FSTL5: variants seen among roughly 807,000 people sequenced by gnomAD.
FSTL5 encodes follistatin like 5, also known as follistatin-related protein 5.
Under a neutral mutation model 89.1 loss-of-function variants are expected in FSTL5, and 62 were observed. That is an observed-to-expected ratio of 0.70 (90% confidence interval 0.57 to 0.86). The LOEUF (loss-of-function observed/expected upper bound fraction) is 0.86, where lower values mean the gene tolerates loss of function less well. Ranked by LOEUF, FSTL5 falls within the 40% of genes least tolerant of loss-of-function variation. The pLI is 0.00. For synonymous variants in FSTL5, 383 were observed against 346.2 expected, an observed-to-expected ratio of 1.11 and a Z score of -1.18; for missense variants, 1,057 against 1,001.6, an observed-to-expected ratio of 1.06 and a Z score of -0.75.
At chr4:161,812,284 G>A (rs1002675029) in intron 4 of FSTL5, among the ~76,000 whole-genome samples, 3 of 152,186 alleles carry the variant, frequency 2.0e-5, no homozygotes, top group Non-Finnish European at 4.4e-5. Flanking sequence ...AAAGCACTGT[G>A]AATTTTCAAG....
chr4:161,553,157 C>T (rs1327761499), intron 8 of FSTL5, among the ~76,000 whole-genome samples: 1 of 151,452 alleles, frequency 6.6e-6, no homozygotes, highest in Non-Finnish European at 1.5e-5. Context: ...TATTTGATGT[C>T]TTGCTAATAT....
intron 4 of FSTL5, among the ~76,000 whole-genome samples, chr4:161,827,419 G>A (rs751490347): frequency 3.3e-5 from 5 of 152,230 alleles, no homozygotes; most frequent in Admixed American, 6.5e-5. Flanking sequence ...CTAGTTTTGT[G>A]CTGGTTGGCC....
chr4:162,076,479 G>A (rs1484886907), intron 2 of FSTL5, among the ~76,000 whole-genome samples: 1 of 151,864 alleles, frequency 6.6e-6, no homozygotes, highest in African/African-American at 2.4e-5. Flanking sequence ...TGGGTTTGCT[G>A]CAGCTTATTT....
intron 6 of FSTL5, among the ~76,000 whole-genome samples, chr4:161,666,669 C>A (rs917237440): frequency 6.6e-6 from 1 of 151,992 alleles, no homozygotes; most frequent in Non-Finnish European, 1.5e-5. Flanking sequence ...AAAGAGAAGA[C>A]CCCTATATGG....
chr4:161,775,746 G>T (rs978438486), intron 5 of FSTL5, 132 bp downstream of exon 5: 15 of 460,676 alleles, frequency 3.3e-5, no homozygotes, highest in Admixed American at 2.1e-4. Context: ...CTACAAAAAT[G>T]TTGTTATTCA....
At position 161,690,870 on chromosome 4, in the gene FSTL5, T is replaced by C. The variant is rs138950145; in HGVS notation, c.728-34376A>G. On this transcript the variant is annotated intron_variant, in intron 6 of 15. Transcript: ENST00000306100. Reference sequence around the variant, plus strand: ...TCTATGTTTCCATGTGTTCTAATTATTATCTCCCACTGATAAATGAGAACA... The same window carrying C: ...TCTATGTTTCCATGTGTTCTAATTACTATCTCCCACTGATAAATGAGAACA... Among the ~76,000 whole-genome samples, 943 of 152,252 alleles carry C rather than the reference T, an allele frequency of 6.2e-3. 9 individuals carry two copies. The highest frequency in any genetic ancestry group is 9.0e-3 in the Non-Finnish European group (611 of 67,974).
At chr4:162,069,207 TA>T (rs1409465309) in intron 2 of FSTL5, among the ~76,000 whole-genome samples, 1 of 152,036 alleles carries the variant, frequency 6.6e-6, no homozygotes, top group Non-Finnish European at 1.5e-5. Flanking sequence ...CTGTACTCAT[TA>T]AAGCATCTTC....
intron 7 of FSTL5, among the ~76,000 whole-genome samples, chr4:161,634,880 T>C (rs146222762): frequency 6.6e-6 from 1 of 152,136 alleles, no homozygotes; most frequent in African/African-American, 2.4e-5. Flanking sequence ...ATTATTATCA[T>C]CACACACACA....
chr4:161,437,584 G>GAAAAAAAAAAAAAAAAAAAAAAAAAAAAA (rs1732614326), intron 15 of FSTL5, among the ~76,000 whole-genome samples: 2 of 77,412 alleles, frequency 2.6e-5, no homozygotes, highest in African/African-American at 1.1e-4. Context: ...AAAAAAAAAC[G>GAAAAAAAAAAAAAAAAAAAAAAAAAAAAA]AGGTCAGAAA....
chr4:161,766,076 G>C (rs1740988288), intron 5 of FSTL5, among the ~76,000 whole-genome samples: 1 of 152,116 alleles, frequency 6.6e-6, no homozygotes, highest in Non-Finnish European at 1.5e-5. Flanking sequence ...TTACAGGCGT[G>C]AGCCACCGCG....
intron 2 of FSTL5, among the ~76,000 whole-genome samples, chr4:162,072,406 G>A (rs974325115): frequency 2.0e-5 from 3 of 151,692 alleles, no homozygotes; most frequent in Non-Finnish European, 2.9e-5. Flanking sequence ...TAATTTTAAA[G>A]GAAGATAACA....
intron 7 of FSTL5, among the ~76,000 whole-genome samples, chr4:161,640,063 T>C (rs1269950871): frequency 6.6e-6 from 1 of 152,166 alleles, no homozygotes; most frequent in Non-Finnish European, 1.5e-5. Flanking sequence ...TGGATGTGCC[T>C]AGGAGAATGC....
At chr4:161,986,872 T>C (rs1284144785) in intron 3 of FSTL5, among the ~76,000 whole-genome samples, 4 of 152,256 alleles carry the variant, frequency 2.6e-5, no homozygotes, top group African/African-American at 9.6e-5. Flanking sequence ...TTAGGTTTAA[T>C]TAGCACTTGA....
intron 15 of FSTL5, among the ~76,000 whole-genome samples, chr4:161,428,574 C>T (rs1050069795): frequency 1.3e-5 from 2 of 152,184 alleles, no homozygotes; most frequent in Admixed American, 6.5e-5. Context: ...CTCAGGCCCC[C>T]ATTCCAGGCC....
chr4:161,933,151 A>C (rs1734339349), intron 3 of FSTL5, among the ~76,000 whole-genome samples: 1 of 152,118 alleles, frequency 6.6e-6, no homozygotes, highest in Non-Finnish European at 1.5e-5. Context: ...TTTAGAGGAA[A>C]GTGTGACATG....
chr4:161,574,616 G>A (rs978556644), intron 8 of FSTL5, among the ~76,000 whole-genome samples: 1 of 152,030 alleles, frequency 6.6e-6, no homozygotes, highest in East Asian at 1.9e-4. Flanking sequence ...TACGGTGTTT[G>A]GTTTTCTATT....
At chr4:161,581,917 A>G (rs536547741) in intron 8 of FSTL5, among the ~76,000 whole-genome samples, 32 of 152,362 alleles carry the variant, frequency 2.1e-4, no homozygotes, top group African/African-American at 7.5e-4. Flanking sequence ...AACATTCTGT[A>G]TCATAAGATC....
At chr4:161,676,679 ATAAAT>A (rs556763242) in intron 6 of FSTL5, among the ~76,000 whole-genome samples, 5 of 152,032 alleles carry the variant, frequency 3.3e-5, no homozygotes, top group African/African-American at 4.8e-5. Flanking sequence ...AATAAAGTAA[ATAAAT>A]TAAAGACTCC....
intron 2 of FSTL5, among the ~76,000 whole-genome samples, chr4:162,048,252 G>A (rs1738262783): frequency 1.3e-5 from 2 of 152,098 alleles, no homozygotes; most frequent in South Asian, 4.2e-4. Flanking sequence ...GCTTGAACCT[G>A]GGAGGCGGAG....
Sources: allele counts gnomAD v4.1 joint callset (sites outside exome capture counted in the v4.1 genomes callset), GRCh38; gene constraint gnomAD v4.1.1; transcripts MANE v1.5; gene names NCBI Gene and HGNC (gene_info 2026-07-23, HGNC 2026-07-21).